CDS2: variants seen among roughly 807,000 people sequenced by gnomAD.
CDS2 encodes phosphatidate cytidylyltransferase 2.
Under a neutral mutation model 59.0 loss-of-function variants are expected in CDS2, and 47 were observed. The ratio of observed to expected loss-of-function variants is 0.80; its 90% CI spans 0.63 to 1.02. The LOEUF (loss-of-function observed/expected upper bound fraction) is 1.02. Ranked by LOEUF, CDS2 falls within the 50% of genes least tolerant of loss-of-function variation. The pLI, the probability that CDS2 is intolerant of heterozygous loss-of-function variation, is 0.00. For synonymous variants in CDS2, 207 were observed against 206.4 expected (o/e 1.00, Z -0.02); for missense variants, 356 against 558.9 (o/e 0.64, Z 3.66).
intron 1 of CDS2, among the ~76,000 whole-genome samples, chr20:5,141,778 A>T (rs1392053517): frequency 6.6e-6 from 1 of 152,160 alleles, no homozygotes; most frequent in Non-Finnish European, 1.5e-5. Context: ...TAGTGGCTGA[A>T]GTGAATTGAA....
Position 5,166,078 on chromosome 20 carries a change from C to T in CDS2, c.58-7445C>T, listed in dbSNP as rs548846574. Among the ~76,000 whole-genome samples the T allele has an allele frequency of 9.2e-5, 14 of 152,192 alleles. 1 individual carries two copies. The highest frequency in any genetic ancestry group is 3.1e-4 in the African/African-American group (13 of 41,540). ...CAATCAGAATTTCTGGGAAGGTCCT[C>T]GTGTTGCAGTGGCGAGAGCGTAGGT... On this transcript the variant is annotated intron_variant, in intron 1 of 12. Transcript: ENST00000460006.
chr20:5,142,259 C>T (rs2090700679), intron 1 of CDS2, among the ~76,000 whole-genome samples: 1 of 152,084 alleles, frequency 6.6e-6, no homozygotes, highest in Non-Finnish European at 1.5e-5. Flanking sequence ...CCACCCTGGC[C>T]AGCATGGTGA....
chr20:5,158,784 C>T (rs1031181389), intron 1 of CDS2, among the ~76,000 whole-genome samples: 2 of 152,156 alleles, frequency 1.3e-5, no homozygotes, highest in Non-Finnish European at 2.9e-5. Context: ...ATCGTTGTAT[C>T]TTACAAGGTG....
intron 1 of CDS2, among the ~76,000 whole-genome samples, chr20:5,147,732 T>C (rs1022744471): frequency 6.6e-6 from 1 of 152,052 alleles, no homozygotes; most frequent in Non-Finnish European, 1.5e-5. Context: ...TTTCTTTCTT[T>C]TTTTGTTTCT....
Position 5,190,334 on chromosome 20 carries a change from T to A in CDS2, c.*100T>A. ...ACTTAGACAATGACGAGGCTTCAAC[T>A]CACTGTCTTTTTTTTTTTTTTTTGG... On this transcript the variant is annotated 3_prime_UTR_variant, in exon 13 of 13. Transcript: ENST00000460006. 40 of 938,028 alleles carry A rather than the reference T, an allele frequency of 4.3e-5. No individual in the cohort carries two copies. The highest frequency in any genetic ancestry group is 6.6e-5 in the South Asian group (3 of 45,582). The allele number at this position is 938,028 out of a possible 1,614,324, so 58.1% of individuals were successfully genotyped here.
At chr20:5,157,377 A>G (rs1022503436) in intron 1 of CDS2, among the ~76,000 whole-genome samples, 1 of 152,142 alleles carries the variant, frequency 6.6e-6, no homozygotes, top group Non-Finnish European at 1.5e-5. Flanking sequence ...TGGTTTTAGG[A>G]CAAACATCTG....
chr20:5,188,693 A>C (rs2091089010), intron 10 of CDS2, among the ~76,000 whole-genome samples: 1 of 152,214 alleles, frequency 6.6e-6, no homozygotes, highest in Non-Finnish European at 1.5e-5. Flanking sequence ...CAGGCTGAGA[A>C]GTGTGAGAAG....
rs993103866 is a variant in CDS2, at chr20:5,194,759, C to T, written c.*4525C>T. 2.6e-5 allele frequency: 4 copies of T among 152,104 alleles called. No homozygotes were observed. Among genetic ancestry groups the T allele is most frequent in the African/African-American group, 7.2e-5 (3 of 41,398 alleles). The allele number at this position is 152,104 out of a possible 1,614,324, so 9.4% of individuals were successfully genotyped here. On this transcript the variant is annotated 3_prime_UTR_variant, in exon 13 of 13. Transcript: ENST00000460006. The stretch of plus-strand genomic sequence containing the variant: ...TGTTTAAAGACCCTGTCTCCTCCCC[C>T]ACCCTCCCCTTCCTTTTCCCATCAA...
intron 3 of CDS2, 69 bp downstream of exon 3, chr20:5,175,348 C>T (rs577291461): frequency 3.2e-6 from 4 of 1,239,422 alleles, no homozygotes; most frequent in East Asian, 2.3e-5. Flanking sequence ...GTCTTAAGTG[C>T]GAGGTGTTGG....
rs975529238 is a variant in CDS2 at position 5,192,844 on chromosome 20, A to G, written c.*2610A>G. ...CTTACCTCGGGTGAGAGTCATGAGC[A>G]CCTTACCAGGCAGGGAGCTTCCCCA... On this transcript the variant is annotated 3_prime_UTR_variant, in exon 13 of 13. Transcript: ENST00000460006. 2.6e-5 allele frequency: 4 copies of G among 152,232 alleles called. No individual in the cohort carries two copies. Among genetic ancestry groups the G allele is most frequent in the Non-Finnish European group, 2.9e-5 (2 of 68,062 alleles). The allele number at this position is 152,232 out of a possible 1,614,324, so 9.4% of individuals were successfully genotyped here. A position where few individuals can be genotyped will look rare whatever the true frequency, so the allele number is the denominator to read the frequency against.
chr20:5,147,780 T>A (rs1457843539), intron 1 of CDS2, among the ~76,000 whole-genome samples: 2 of 152,032 alleles, frequency 1.3e-5, no homozygotes, highest in African/African-American at 4.8e-5. Context: ...CAGGTTGGTC[T>A]TGAACTCCTT....
intron 1 of CDS2, among the ~76,000 whole-genome samples, chr20:5,152,349 G>T (rs1379869260): frequency 1.3e-5 from 2 of 152,114 alleles, no homozygotes; most frequent in East Asian, 3.9e-4. Flanking sequence ...AATTGCTAGT[G>T]TCCTATGGTT....
chr20:5,177,678 G>C (rs751836050), intron 4 of CDS2, among the ~76,000 whole-genome samples: 5 of 152,150 alleles, frequency 3.3e-5, no homozygotes, highest in African/African-American at 7.2e-5. Context: ...CGGCTGGAGA[G>C]CAGTGGTTTT....
At chr20:5,136,870 G>A (rs567216787) in intron 1 of CDS2, among the ~76,000 whole-genome samples, 1 of 152,214 alleles carries the variant, frequency 6.6e-6, no homozygotes, top group Admixed American at 6.5e-5. Flanking sequence ...GAGGTTTGGT[G>A]TACAAATGAT....
At chr20:5,167,814 G>A (rs2090924037) in intron 1 of CDS2, among the ~76,000 whole-genome samples, 1 of 152,200 alleles carries the variant, frequency 6.6e-6, no homozygotes, top group Non-Finnish European at 1.5e-5. Flanking sequence ...CCAGGAGAAA[G>A]TTGATAATTT....
intron 2 of CDS2, 71 bp downstream of exon 2, chr20:5,173,730 G>T (rs2090973883): frequency 1.3e-6 from 2 of 1,581,424 alleles, no homozygotes; most frequent in Middle Eastern, 2.0e-4. Context: ...GGAAGAGCCT[G>T]CAGAGAGCCC....
intron 1 of CDS2, among the ~76,000 whole-genome samples, chr20:5,136,010 G>T (rs2122956251): frequency 6.6e-6 from 1 of 152,270 alleles, no homozygotes; most frequent in East Asian, 1.9e-4. Flanking sequence ...CCAGCTTGGG[G>T]CTTCTCTGTA....
chr20:5,127,336 G>A (rs770578755), intron 1 of CDS2, among the ~76,000 whole-genome samples, 187 bp downstream of exon 1: 41 of 152,152 alleles, frequency 2.7e-4, no homozygotes, highest in Non-Finnish European at 5.0e-4. Context: ...GGGGTCGGCG[G>A]GTCGGGGTCC....
rs2091142893 is a variant in CDS2 at position 5,194,601 on chromosome 20, G to A, written c.*4367G>A. The A allele has an allele frequency of 6.6e-6, 1 of 152,250 alleles. No individual in the cohort carries two copies. The highest frequency in any genetic ancestry group is 2.1e-4 in the South Asian group (1 of 4,832). The allele number at this position is 152,250 out of a possible 1,614,324, so 9.4% of individuals were successfully genotyped here. On this transcript the variant is annotated 3_prime_UTR_variant, in exon 13 of 13. Coordinates refer to ENST00000460006, the MANE Select transcript of CDS2 (RefSeq NM_003818.4). The stretch of plus-strand genomic sequence containing the variant: ...GACCATGTTTCCCAACGCACTTTGA[G>A]TGCAGTTTAGGAGGTATCCTTTGGA...
Sources: allele counts gnomAD v4.1 joint callset (sites outside exome capture counted in the v4.1 genomes callset), GRCh38; gene constraint gnomAD v4.1.1; transcripts MANE v1.5; gene names NCBI Gene and HGNC (gene_info 2026-07-23, HGNC 2026-07-21).